Variants in DLGAP2 observed in about 807,000 individuals in gnomAD.
DLGAP2 encodes the protein DLG associated protein 2.
In DLGAP2, 26 loss-of-function variants were observed where a neutral mutation model predicts 100.3. That is an observed-to-expected ratio of 0.26 (90% CI 0.19 to 0.36). The LOEUF (loss-of-function observed/expected upper bound fraction) is 0.36, where lower values mean the gene tolerates loss of function less well. Ranked by LOEUF, DLGAP2 falls within the 10% of genes least tolerant of loss-of-function variation. The pLI, the probability that DLGAP2 is intolerant of heterozygous loss-of-function variation, is 1.00. For missense variants in DLGAP2, 1,858 were observed against 1,453.2 expected, an observed-to-expected ratio of 1.28 and a Z score of -4.53; for synonymous variants, 886 against 630.1, an observed-to-expected ratio of 1.41 and a Z score of -6.08.
chr8:1,163,870 A>G (rs996533231), intron 2 of DLGAP2, among the ~76,000 whole-genome samples: 4 of 152,254 alleles, frequency 2.6e-5, no homozygotes, highest in African/African-American at 7.2e-5. Flanking sequence ...GGCTGCCGAC[A>G]CGTCCTTGCT....
intron 2 of DLGAP2, among the ~76,000 whole-genome samples, chr8:1,043,722 C>G (rs1802438821): frequency 6.6e-6 from 1 of 151,980 alleles, no homozygotes; most frequent in Non-Finnish European, 1.5e-5. Flanking sequence ...GTGTTCTGGC[C>G]TGTTAGGTTG....
rs143108999 is a variant in DLGAP2, at chr8:1,489,250, A to G, written c.107-12116A>G. The stretch of plus-strand genomic sequence containing the variant: ...GCGTGGAGTTGGAGTTCGTGGAAAA[A>G]ATGGGACCGTCAGCTCTGAGGGCAG... On this transcript the variant is annotated intron_variant, in intron 3 of 14. Coordinates refer to ENST00000637795, the MANE Select transcript of DLGAP2 (RefSeq NM_001346810.2). 1.7e-3 allele frequency among the ~76,000 whole-genome samples: 257 copies of G among 152,254 alleles called. 1 individual carries two copies. Among genetic ancestry groups the G allele is most frequent in the South Asian group, 0.011 (54 of 4,812 alleles).
chr8:1,244,316 A>G (rs1454616715), intron 2 of DLGAP2, among the ~76,000 whole-genome samples: 1 of 152,258 alleles, frequency 6.6e-6, no homozygotes, highest in Non-Finnish European at 1.5e-5. Context: ...CTGATAGGTC[A>G]TAGACCATTT....
intron 2 of DLGAP2, among the ~76,000 whole-genome samples, chr8:1,246,053 C>T (rs74350235): frequency 0.044 from 6,693 of 152,228 alleles, 146 homozygotes; most frequent in Middle Eastern, 0.085. Flanking sequence ...TATTTATGTA[C>T]TATCAGTGTC....
chr8:1,563,868 G>C (rs891743595), intron 5 of DLGAP2, among the ~76,000 whole-genome samples: 4 of 152,176 alleles, frequency 2.6e-5, no homozygotes, highest in Non-Finnish European at 4.4e-5. Flanking sequence ...ATGGACACTG[G>C]AAAGATGGCA....
intron 2 of DLGAP2, among the ~76,000 whole-genome samples, chr8:994,424 T>C (rs1028030340): frequency 3.3e-5 from 5 of 152,164 alleles, no homozygotes; most frequent in African/African-American, 1.2e-4. Flanking sequence ...GGTCTCGAAC[T>C]CCCGACCTCA....
chr8:1,313,986 A>G (rs1585249620), intron 3 of DLGAP2, among the ~76,000 whole-genome samples: 1 of 152,292 alleles, frequency 6.6e-6, no homozygotes, highest in Admixed American at 6.5e-5. Flanking sequence ...AATATTTCAT[A>G]AAATCCTGTG....
chr8:943,700 C>T (rs1221726848), intron 2 of DLGAP2, among the ~76,000 whole-genome samples: 2 of 151,540 alleles, frequency 1.3e-5, no homozygotes, highest in African/African-American at 4.8e-5. Context: ...GAGGATCTGG[C>T]ATGTAGACGT....
At chr8:848,097 CTCTG>C (rs1450947615) in intron 1 of DLGAP2, among the ~76,000 whole-genome samples, 1 of 152,152 alleles carries the variant, frequency 6.6e-6, no homozygotes, top group African/African-American at 2.4e-5. Context: ...CCTGCCTGTT[CTCTG>C]TCTGTCGTGT....
intron 2 of DLGAP2, among the ~76,000 whole-genome samples, chr8:1,039,266 A>G (rs1440514431): frequency 4.0e-5 from 5 of 125,190 alleles, no homozygotes; most frequent in African/African-American, 1.3e-4. Flanking sequence ...CTCAGTTTCC[A>G]TGGTCGGCTC....
chr8:1,344,190 G>A (rs5028024), intron 3 of DLGAP2, among the ~76,000 whole-genome samples: 47,296 of 112,986 alleles, frequency 0.42, 10,744 homozygotes, highest in East Asian at 0.62. Flanking sequence ...TCGTGGGTCC[G>A]TGTACTCGGG....
chr8:846,932 AG>A (rs1287511490), intron 1 of DLGAP2, among the ~76,000 whole-genome samples: 4 of 152,184 alleles, frequency 2.6e-5, no homozygotes, highest in African/African-American at 9.7e-5. Context: ...ACATGATACT[AG>A]CCTGTAATTC....
intron 3 of DLGAP2, among the ~76,000 whole-genome samples, chr8:1,330,440 G>A (rs1297853759): frequency 4.9e-5 from 7 of 143,920 alleles, no homozygotes; most frequent in African/African-American, 1.8e-4. Flanking sequence ...ACTGAGTTCT[G>A]GGTGGGACTG....
intron 1 of DLGAP2, among the ~76,000 whole-genome samples, chr8:830,731 G>T (rs992558925): frequency 1.2e-4 from 18 of 151,984 alleles, no homozygotes; most frequent in Non-Finnish European, 1.2e-4. Context: ...TCAAAACAAG[G>T]TATTAACCCT....
At chr8:1,647,161 C>G (rs1158698025) in intron 8 of DLGAP2, among the ~76,000 whole-genome samples, 1 of 152,158 alleles carries the variant, frequency 6.6e-6, no homozygotes, top group Admixed American at 6.5e-5. Context: ...CAGACAGTCC[C>G]CCAGCTGGTT....
chr8:1,138,105 T>A (rs1229583805), intron 2 of DLGAP2, among the ~76,000 whole-genome samples: 1 of 152,198 alleles, frequency 6.6e-6, no homozygotes, highest in Non-Finnish European at 1.5e-5. Flanking sequence ...TCTTAATCCC[T>A]TGATGCCATG....
chr8:1,575,971 C>A (rs186249535), intron 6 of DLGAP2, among the ~76,000 whole-genome samples: 7 of 152,076 alleles, frequency 4.6e-5, no homozygotes, highest in South Asian at 2.1e-4. Context: ...ATAGTCCTTC[C>A]GGTATATACC....
At chr8:916,729 G>T (rs1268017431) in intron 2 of DLGAP2, among the ~76,000 whole-genome samples, 2 of 152,206 alleles carry the variant, frequency 1.3e-5, no homozygotes, top group African/African-American at 4.8e-5. Flanking sequence ...ATGCAGAGGG[G>T]CACCCAAGTC....
intron 3 of DLGAP2, among the ~76,000 whole-genome samples, chr8:1,389,460 G>C (rs754994407): frequency 2.6e-5 from 4 of 152,148 alleles, no homozygotes; most frequent in Non-Finnish European, 4.4e-5. Context: ...AGGGTACTCA[G>C]AGCTGGAAGA....
Sources: allele counts gnomAD v4.1 joint callset (sites outside exome capture counted in the v4.1 genomes callset), GRCh38; gene constraint gnomAD v4.1.1; transcripts MANE v1.5; gene names NCBI Gene and HGNC (gene_info 2026-07-23, HGNC 2026-07-21).